Variants in CACNB4 observed in about 807,000 individuals in gnomAD.
The protein encoded by CACNB4 is voltage-dependent L-type calcium channel subunit beta-4.
CACNB4 carries 32 observed loss-of-function variants against 71.2 expected under a neutral mutation model. The ratio of observed to expected loss-of-function variants is 0.45; its 90% CI spans 0.34 to 0.60. CACNB4 has a LOEUF of 0.60. Ranked by LOEUF, CACNB4 falls within the 20% of genes least tolerant of loss-of-function variation. The probability of loss-of-function intolerance (pLI) is 0.01; values close to 1 mark genes in which losing one functional copy is unlikely to be tolerated. For synonymous variants in CACNB4, 231 were observed against 236.9 expected, an observed-to-expected ratio of 0.97 and a Z score of 0.23; for missense variants, 464 against 647.9, an observed-to-expected ratio of 0.72 and a Z score of 3.08.
At chr2:152,046,011 G>A (rs1685126469) in intron 2 of CACNB4, among the ~76,000 whole-genome samples, 1 of 151,658 alleles carries the variant, frequency 6.6e-6, no homozygotes, top group South Asian at 2.1e-4. Context: ...ATGGAAGGAT[G>A]GAAAACTTTT....
At chr2:152,097,209 TA>T (rs1560198677) in intron 2 of CACNB4, among the ~76,000 whole-genome samples, 1 of 152,246 alleles carries the variant, frequency 6.6e-6, no homozygotes, top group East Asian at 1.9e-4. Flanking sequence ...ATATGCTTTA[TA>T]GACCCTTTTA....
chr2:151,933,602 A>T (rs1027202181), intron 2 of CACNB4, among the ~76,000 whole-genome samples: 1 of 152,104 alleles, frequency 6.6e-6, no homozygotes, highest in Non-Finnish European at 1.5e-5. Context: ...GAGCAACATC[A>T]AGTCTTCTGT....
chr2:152,083,774 C>A (rs1422806071), intron 2 of CACNB4, among the ~76,000 whole-genome samples: 5 of 152,150 alleles, frequency 3.3e-5, no homozygotes, highest in African/African-American at 1.2e-4. Context: ...TGAAATAGAC[C>A]AAGTTTGATC....
chr2:151,909,097 T>C (rs1277896765), intron 2 of CACNB4, among the ~76,000 whole-genome samples: 2 of 147,528 alleles, frequency 1.4e-5, no homozygotes, highest in Non-Finnish European at 3.0e-5. Context: ...AATATATTTA[T>C]AAATATATAT....
At chr2:151,936,641 T>C (rs1249317353) in intron 2 of CACNB4, among the ~76,000 whole-genome samples, 4 of 152,264 alleles carry the variant, frequency 2.6e-5, no homozygotes, top group Non-Finnish European at 4.4e-5. Context: ...GCCTATCACC[T>C]GCTTCCTTCA....
chr2:152,070,680 G>C (rs1686633263), intron 2 of CACNB4, among the ~76,000 whole-genome samples: 1 of 152,224 alleles, frequency 6.6e-6, no homozygotes, highest in African/African-American at 2.4e-5. Context: ...GGGAAAGAGA[G>C]GCTAATTTAA....
intron 2 of CACNB4, among the ~76,000 whole-genome samples, chr2:152,061,930 T>A (rs1686037452): frequency 6.6e-6 from 1 of 151,582 alleles, no homozygotes; most frequent in Non-Finnish European, 1.5e-5. Flanking sequence ...GAGAATCACA[T>A]GAACCCAGGA....
At chr2:151,892,824 G>T (rs1373619149) in intron 2 of CACNB4, among the ~76,000 whole-genome samples, 1 of 152,180 alleles carries the variant, frequency 6.6e-6, no homozygotes, top group African/African-American at 2.4e-5. Context: ...CTTAAATGGA[G>T]ACCCCAATAC....
chr2:151,876,626 G>A, intron 4 of CACNB4, 70 bp from the exon 5 acceptor site: 2 of 891,422 alleles, frequency 2.2e-6, no homozygotes, highest in Non-Finnish European at 3.2e-6. Flanking sequence ...TAATCTTAGG[G>A]GACAAGAAGA....
intron 2 of CACNB4, among the ~76,000 whole-genome samples, chr2:152,023,677 C>A (rs1172032192): frequency 6.6e-6 from 1 of 152,122 alleles, no homozygotes; most frequent in African/African-American, 2.4e-5. Flanking sequence ...TCAGGTGATC[C>A]GCCTGCCTCA....
At chr2:151,864,103 T>C (rs1026345227) in intron 9 of CACNB4, among the ~76,000 whole-genome samples, 6 of 152,238 alleles carry the variant, frequency 3.9e-5, no homozygotes, top group African/African-American at 1.2e-4. Context: ...TTTCTTGCTA[T>C]GCTGAGACCC....
chr2:151,853,511 CT>C lies in CACNB4; in HGVS notation c.1052del (p.Lys351SerfsTer7). The C allele has an allele frequency of 6.2e-7, 1 of 1,600,040 alleles. No homozygotes were observed. Among genetic ancestry groups the C allele is most frequent in the Admixed American group, 1.7e-5 (1 of 57,894 alleles). ...GAACATTCAAGTGTTTACTTTGTGA[CT>C]TTCCTCTAGATTTAATCAACCGCTG... is the stretch of plus-strand genomic sequence containing the variant. ...VLQRLIKSRG[K>X]SQSKHLNVQL... On this transcript the variant is annotated frameshift_variant, in exon 12 of 14. Coordinates refer to ENST00000539935, the MANE Select transcript of CACNB4 (RefSeq NM_000726.5). LOFTEE classifies it high-confidence loss of function.
chr2:151,901,524 C>G (rs2099853422), intron 2 of CACNB4, among the ~76,000 whole-genome samples: 1 of 151,760 alleles, frequency 6.6e-6, no homozygotes, highest in Non-Finnish European at 1.5e-5. Context: ...AGGTCCAAGA[C>G]AATACAATAC....
chr2:151,897,221 T>A (rs1356915832), intron 2 of CACNB4, among the ~76,000 whole-genome samples: 1 of 152,238 alleles, frequency 6.6e-6, no homozygotes, highest in Non-Finnish European at 1.5e-5. Flanking sequence ...CTGGCGAAGC[T>A]GAGACTTGCA....
chr2:151,921,187 T>TAAA lies in CACNB4; in HGVS notation c.148-37820_148-37818dup, dbSNP rs5835389. Among the ~76,000 whole-genome samples the TAAA allele has an allele frequency of 3.1e-3, 461 of 147,372 alleles. 9 individuals are homozygous for TAAA. Among genetic ancestry groups the TAAA allele is most frequent in the Admixed American group, 5.0e-3 (75 of 14,900 alleles). ...TAAATAAATAAATAAATAAATAAGT[T>TAAA]AAAAAAAAACACCTTACTTGATTGG... On this transcript the variant is annotated intron_variant, in intron 2 of 13. Transcript: ENST00000539935.
At chr2:151,904,265 C>G (rs2099854196) in intron 2 of CACNB4, among the ~76,000 whole-genome samples, 1 of 152,204 alleles carries the variant, frequency 6.6e-6, no homozygotes, top group Non-Finnish European at 1.5e-5. Flanking sequence ...CAAATCCTCA[C>G]TATTTATCTG....
At chr2:152,015,541 T>C (rs887459478) in intron 2 of CACNB4, among the ~76,000 whole-genome samples, 10 of 152,210 alleles carry the variant, frequency 6.6e-5, no homozygotes, top group Non-Finnish European at 1.2e-4. Context: ...GGATTCTATT[T>C]ACCTAACCAA....
chr2:151,881,048 A>T (rs2099847689), intron 3 of CACNB4, 126 bp from the exon 4 acceptor site: 1 of 951,562 alleles, frequency 1.1e-6, no homozygotes, highest in African/African-American at 1.7e-5. Flanking sequence ...AATGAGTTTT[A>T]CATTCTCAAG....
intron 2 of CACNB4, among the ~76,000 whole-genome samples, chr2:152,088,043 G>C (rs1288433106): frequency 6.6e-6 from 1 of 151,966 alleles, no homozygotes; most frequent in African/African-American, 2.4e-5. Flanking sequence ...GTGGGGAAGA[G>C]GATGCAGAAT....
Sources: gnomAD v4.1 joint callset for allele counts (sites outside exome capture counted in the v4.1 genomes callset) on GRCh38, gnomAD v4.1.1 for gene constraint, MANE v1.5 for transcripts, NCBI Gene and HGNC (gene_info 2026-07-23, HGNC 2026-07-21) for gene names.